TRIML1: variants seen among roughly 807,000 people sequenced by gnomAD.
TRIML1 encodes probable E3 ubiquitin-protein ligase TRIML1.
TRIML1 carries 34 observed loss-of-function variants against 32.3 expected under a neutral mutation model. The ratio of observed to expected loss-of-function variants is 1.05; its 90% CI spans 0.80 to 1.40. The LOEUF is 1.40. Among genes scored for constraint, TRIML1 ranks in the 40% most tolerant of loss-of-function variants. TRIML1 has a pLI of 0.00. For missense variants in TRIML1, 595 were observed against 574.9 expected, an observed-to-expected ratio of 1.03 and a Z score of -0.36; for synonymous variants, 244 against 226.6, an observed-to-expected ratio of 1.08 and a Z score of -0.69.
At position 188,147,504 on chromosome 4, in the gene TRIML1, G is replaced by A. The variant is rs1476461190; in HGVS notation, c.*132G>A. ...TCCCGTAACCCCACCCCACCCCCAA[G>A]AGTTTCCATTAACTTGATCCCATTA... On this transcript the variant is annotated 3_prime_UTR_variant, in exon 6 of 6. Coordinates refer to ENST00000332517, the MANE Select transcript of TRIML1 (RefSeq NM_178556.5). 3 of 677,492 alleles carry A rather than the reference G, an allele frequency of 4.4e-6. No individual in the cohort carries two copies. In the African/African-American group the frequency reaches 5.5e-5, roughly 12 times the overall value. The allele number at this position is 677,492 out of a possible 1,614,324, so 42.0% of individuals were successfully genotyped here. A position where few individuals can be genotyped will look rare whatever the true frequency, so the allele number is the denominator to read the frequency against.
At chr4:188,142,923 C>G in intron 3 of TRIML1, 1 of 163,082 alleles carries the variant, frequency 6.1e-6, no homozygotes, top group Non-Finnish European at 1.3e-5. Flanking sequence ...TTTAATTATT[C>G]ATACCTGTGG....
At chr4:188,142,136 AG>A in intron 2 of TRIML1, 115 bp from the exon 3 acceptor site, 3 of 699,846 alleles carry the variant, frequency 4.3e-6, no homozygotes, top group Admixed American at 3.5e-5. Context: ...AAAAAAAGAA[AG>A]AAAGAAACTC....
At position 188,147,439 on chromosome 4, in the gene TRIML1, A is replaced by AGG. The variant is rs1181127654; in HGVS notation, c.*68_*69dup. 1 of 1,342,684 alleles carries AGG rather than the reference A, an allele frequency of 7.4e-7. No individual in the cohort carries two copies. 83.2% of individuals were successfully genotyped at this position (1,342,684 alleles called of 1,614,324 possible). ...CAAGACACAACTATTAAGACGATGA[A>AGG]GGCATCGACAGTATTAATGTCAGGT... On this transcript the variant is annotated 3_prime_UTR_variant, in exon 6 of 6. Coordinates refer to ENST00000332517, the MANE Select transcript of TRIML1 (RefSeq NM_178556.5).
In TRIML1 at chr4:188,143,874, C is replaced by A. The variant is rs759377809; in HGVS notation, c.758+14C>A. The A allele has an allele frequency of 5.6e-6, 9 of 1,614,144 alleles. No individual in the cohort carries two copies. The highest frequency in any genetic ancestry group is 7.6e-6 in the Non-Finnish European group (9 of 1,179,998). On this transcript the variant is annotated intron_variant, in intron 4 of 5. Transcript: ENST00000332517. ...AGCCCTGGAAAGGTAGGCTTTCATT[C>A]TGTGTTCAGTTATGCAAGCTGCGGG...
chr4:188,139,418 C>A (rs1246777635), upstream of TRIML1: 1 of 793,012 alleles, frequency 1.3e-6, no homozygotes, highest in Non-Finnish European at 2.0e-6. Context: ...TGAAATCAGG[C>A]ACAGAAGAGA....
rs146642336 is a variant in TRIML1, at chr4:188,147,236, C to T, written c.1271C>T (p.Thr424Met). The change falls in exon 6 of 6, where the codon ACG becomes ATG. Residue 424 changes from threonine to methionine, a missense_variant. Transcript: ENST00000332517. Reference sequence around the variant, plus strand: ...GGACATATAGCATTCTACAACGGGACGGATGAATCCCTCATCTACAGCTTC... The same window carrying T: ...GGACATATAGCATTCTACAACGGGATGGATGAATCCCTCATCTACAGCTTC... ...ESGHIAFYNG[T>M]DESLIYSFPQ... is the part of the protein sequence containing the mutation. 190 of 1,608,482 alleles carry T rather than the reference C, an allele frequency of 1.2e-4. 1 individual carries two copies. The African/African-American group carries it at 1.2e-3, about 11-fold the overall frequency.
At chr4:188,150,137 A>T (rs1048622863), downstream of TRIML1, among the ~76,000 whole-genome samples, 7 of 148,324 alleles carry the variant, frequency 4.7e-5, no homozygotes, top group Non-Finnish European at 1.0e-4. Flanking sequence ...TATTATTATT[A>T]TTTTTTGAGA....
Position 188,139,910 on chromosome 4 carries a change from C to A in TRIML1, c.352C>A (p.Gln118Lys), listed in dbSNP as rs1278121231. Reference protein sequence around the residue: ...DEQGGSAFVAQSHGANRVHLS... With the variant: ...DEQGGSAFVAKSHGANRVHLS... ...GCAGGGTGGAAGCGCCTTCGTAGCC[C>A]AGAGCCATGGTGCAAACAGAGTGCA... is the stretch of plus-strand genomic sequence containing the variant. Residue 118 changes from glutamine (Q) to lysine (K), a missense_variant, in exon 1 of 6, where the codon CAG becomes AAG. Gln to Lys is a moderately conservative substitution (Grantham distance 53). Coordinates refer to ENST00000332517, the MANE Select transcript of TRIML1 (RefSeq NM_178556.5). 6.2e-7 allele frequency: 1 copy of A among 1,613,718 alleles called. No homozygotes were observed. The highest frequency in any genetic ancestry group is 1.7e-5 in the Admixed American group (1 of 60,008).
upstream of TRIML1, among the ~76,000 whole-genome samples, chr4:188,137,426 C>T (rs1734691317): frequency 6.6e-6 from 1 of 150,400 alleles, no homozygotes; most frequent in African/African-American, 2.4e-5. Context: ...CCTCAGCCTC[C>T]CAAGTAGCTG....
intron 5 of TRIML1, among the ~76,000 whole-genome samples, chr4:188,146,500 C>T (rs1735085363): frequency 6.6e-6 from 1 of 152,192 alleles, no homozygotes; most frequent in African/African-American, 2.4e-5. Flanking sequence ...ACCTCCACCT[C>T]CTGGGTTCAA....
intron 2 of TRIML1, among the ~76,000 whole-genome samples, chr4:188,141,772 C>G (rs62354299): frequency 0.096 from 14,658 of 152,036 alleles, 854 homozygotes; most frequent in East Asian, 0.24. Flanking sequence ...AGCGCATCAA[C>G]AGATTAAATG....
At position 188,147,170 on chromosome 4, in the gene TRIML1, A is replaced by G. The variant is rs1363371819; in HGVS notation, c.1205A>G (p.Glu402Gly). The change falls in exon 6 of 6, where the codon GAG becomes GGG. Residue 402 changes from glutamate (E) to glycine (G), a missense_variant. Transcript: ENST00000332517. ...SSPLKGQHVREPVCKVGVFLD... is the reference protein window; with the variant it reads ...SSPLKGQHVRGPVCKVGVFLD... ...CCTTTGAAAGGTCAGCACGTCAGAG[A>G]GCCTGTGTGTAAGGTTGGTGTCTTC... 6.2e-7 allele frequency: 1 copy of G among 1,614,048 alleles called. No individual in the cohort carries two copies. Among genetic ancestry groups the G allele is most frequent in the Non-Finnish European group, 8.5e-7 (1 of 1,180,014 alleles).
chr4:188,145,613 G>C (rs1048758545), intron 5 of TRIML1, among the ~76,000 whole-genome samples: 2 of 150,060 alleles, frequency 1.3e-5, no homozygotes, highest in Non-Finnish European at 3.0e-5. Flanking sequence ...ACCCGAGGTC[G>C]GGAGTTTGAG....
chr4:188,149,349 C>T (rs931130120), downstream of TRIML1, among the ~76,000 whole-genome samples: 9 of 152,128 alleles, frequency 5.9e-5, no homozygotes, highest in African/African-American at 1.2e-4. Flanking sequence ...ACAGTGGATA[C>T]GATTTAACCA....
intron 5 of TRIML1, among the ~76,000 whole-genome samples, chr4:188,146,375 C>T (rs991243012): frequency 3.3e-5 from 5 of 152,192 alleles, no homozygotes; most frequent in Non-Finnish European, 7.3e-5. Context: ...TGTTGTGGAA[C>T]AGTCAAAGAA....
In TRIML1 at chr4:188,147,273, T is replaced by C. The variant is rs1359309739; in HGVS notation, c.1308T>C (p.Ser436=). 5.1e-6 allele frequency: 8 copies of C among 1,581,576 alleles called. No individual in the cohort carries two copies. In the Admixed American group the frequency reaches 1.4e-4, roughly 28 times the overall value. ...TCATCTACAGCTTCCCGCAGGCTTC[T>C]TTCCAAGAGGCCCTCAGGCCTATCT... The part of the protein sequence containing the change: ...ESLIYSFPQA[S]FQEALRPIFS... The change falls in exon 6 of 6, where the codon TCT becomes TCC. Residue 436 remains serine, a synonymous_variant. Transcript: ENST00000332517.
Position 188,139,834 on chromosome 4 carries a change from G to C in TRIML1, c.276G>C (p.Gln92His), listed in dbSNP as rs1370909865. ...RSQVLQSEDE[Q>H]GSYGRMPTTA... is the part of the protein sequence containing the mutation. ...AGGTGCTGCAGAGCGAGGATGAGCA[G>C]GGCAGCTACGGGAGGATGCCCACCA... The change falls in exon 1 of 6, where the codon CAG (glutamine) becomes CAC (histidine). Residue 92 changes from glutamine to histidine, a missense_variant. Physicochemically the swap from Gln to His is conservative, Grantham distance 24. Coordinates refer to ENST00000332517, the MANE Select transcript of TRIML1 (RefSeq NM_178556.5). 4 of 1,613,764 alleles carry C rather than the reference G, an allele frequency of 2.5e-6. No homozygotes were observed. In the African/African-American group the frequency reaches 5.3e-5, roughly 22 times the overall value.
At chr4:188,140,168 C>T (rs1734799790) in intron 1 of TRIML1, among the ~76,000 whole-genome samples, 1 of 151,204 alleles carries the variant, frequency 6.6e-6, no homozygotes, top group Non-Finnish European at 1.5e-5. Flanking sequence ...GTTGCCCAGG[C>T]TGGAGTGCAG....
chr4:188,138,020 T>C (rs34645730), upstream of TRIML1, among the ~76,000 whole-genome samples: 40,480 of 151,226 alleles, frequency 0.27, 6,330 homozygotes, highest in Non-Finnish European at 0.35. Flanking sequence ...AGAGGTTTCA[T>C]GATGCCACCC....
Sources: allele counts gnomAD v4.1 joint callset (sites outside exome capture counted in the v4.1 genomes callset), GRCh38; gene constraint gnomAD v4.1.1; transcripts MANE v1.5; gene names NCBI Gene and HGNC (gene_info 2026-07-23, HGNC 2026-07-21).